Variants in CRB2 observed in about 807,000 individuals in gnomAD.
CRB2 encodes crumbs cell polarity complex component 2.
Under a neutral mutation model 110.9 loss-of-function variants are expected in CRB2, and 85 were observed. The observed-to-expected ratio is 0.77, with a 90% CI of 0.64 to 0.92. The LOEUF is 0.92. Among genes scored for constraint, CRB2 ranks in the 40% least tolerant of loss-of-function variants. The pLI is 0.00. For synonymous variants in CRB2, 907 were observed against 831.0 expected, an observed-to-expected ratio of 1.09 and a Z score of -1.57; for missense variants, 1,843 against 1,851.3, an observed-to-expected ratio of 1.00 and a Z score of 0.08.
At position 123,374,755 on chromosome 9, in the gene CRB2, C is replaced by T. The variant is rs1485120686; in HGVS notation, c.3506+60C>T. ...CAATGAATGTGGAGGGCTGTTCCTC[C>T]AGCCAGGGTGGGGCGGGGGTCCTCG... On this transcript the variant is annotated intron_variant, in intron 11 of 12. Transcript: ENST00000373631. 14 of 1,268,452 alleles carry T rather than the reference C, an allele frequency of 1.1e-5. No individual in the cohort carries two copies. In the Admixed American group the frequency reaches 1.4e-4, roughly 13 times the overall value. The allele number at this position is 1,268,452 out of a possible 1,614,324, so 78.6% of individuals were successfully genotyped here.
In CRB2 at chr9:123,371,288, G is replaced by C; in HGVS notation, c.2146G>C (p.Val716Leu). 2.5e-6 allele frequency: 4 copies of C among 1,613,688 alleles called. No homozygotes were observed. The highest frequency in any genetic ancestry group is 3.4e-6 in the Non-Finnish European group (4 of 1,179,878). ...TGAGGTGCCGGGCAGTCCTGCTGTAGTGCTCCCTGGGCGCTGGGATGATGG... is the reference window on the plus strand; with the variant it reads ...TGAGGTGCCGGGCAGTCCTGCTGTACTGCTCCCTGGGCGCTGGGATGATGG... Reference protein sequence around the residue: ...RAEVPGSPAVVLPGRWDDGLR... With the variant: ...RAEVPGSPAVLLPGRWDDGLR... Residue 716 changes from valine (V) to leucine (L), a missense_variant, in exon 8 of 13, where the codon GTG becomes CTG. Physicochemically the swap from Val to Leu is conservative, Grantham distance 32. Coordinates refer to ENST00000373631, the MANE Select transcript of CRB2 (RefSeq NM_173689.7).
At chr9:123,366,444 T>G in intron 4 of CRB2, 78 bp downstream of exon 4, 1 of 1,453,198 alleles carries the variant, frequency 6.9e-7, no homozygotes, top group South Asian at 1.4e-5. Flanking sequence ...GTGGGGCAGG[T>G]GTGTGGCTGC....
chr9:123,372,803 G>A (rs776767081), intron 9 of CRB2, among the ~76,000 whole-genome samples: 1 of 152,190 alleles, frequency 6.6e-6, no homozygotes, highest in Non-Finnish European at 1.5e-5. Flanking sequence ...GGCAAGCCTC[G>A]GCCATGAGGT....
rs920598810 is a variant in CRB2 at position 123,377,179 on chromosome 9, A to AGCCTCTGCCTCT, written c.*127_*138dup. ...CTACGGAAGTGTCCCCTTGGCTGGC[A>AGCCTCTGCCTCT]GCCTCTGCCTCTGCCTCTGCCCCAT... On this transcript the variant is annotated 3_prime_UTR_variant, in exon 13 of 13. Transcript: ENST00000373631. 4.1e-6 allele frequency: 4 copies of AGCCTCTGCCTCT among 979,006 alleles called. No individual in the cohort carries two copies. The East Asian group carries it at 1.1e-4, about 26-fold the overall frequency. The allele number at this position is 979,006 out of a possible 1,614,324, so 60.6% of individuals were successfully genotyped here.
At position 123,373,533 on chromosome 9, in the gene CRB2, C is replaced by T; in HGVS notation, c.3002C>T (p.Ala1001Val). The change falls in exon 10 of 13, where the codon GCT becomes GTT. Residue 1001 changes from alanine (A) to valine (V), a missense_variant. Ala to Val is a moderately conservative substitution (Grantham distance 64). Coordinates refer to ENST00000373631, the MANE Select transcript of CRB2 (RefSeq NM_173689.7). ...CTGGGCTTCCTGCAGGGCCCGGGTG[C>T]TGTGCGCATCCTGCTGGCTGAGAAC... Reference protein sequence around the residue: ...SDLGFLQGPGAVRILLAENFT... With the variant: ...SDLGFLQGPGVVRILLAENFT... 1 of 1,487,276 alleles carries T rather than the reference C, an allele frequency of 6.7e-7. No homozygotes were observed. The highest frequency in any genetic ancestry group is 8.9e-7 in the Non-Finnish European group (1 of 1,124,646). 92.1% of individuals were successfully genotyped at this position (1,487,276 alleles called of 1,614,324 possible).
rs767283156 is a variant in CRB2, at chr9:123,370,246, C to T, written c.1193C>T (p.Thr398Ile). Residue 398 changes from threonine (T) to isoleucine (I), a missense_variant, in exon 7 of 13, where the codon ACT becomes ATT. Thr to Ile is a moderately conservative substitution (Grantham distance 89, BLOSUM62 -1). Coordinates refer to ENST00000373631, the MANE Select transcript of CRB2 (RefSeq NM_173689.7). The part of the protein sequence containing the change: ...WGGRDCSVQL[T>I]GCQGHTCPLA... The stretch of plus-strand genomic sequence containing the variant: ...GGGCGCGACTGTTCTGTGCAGCTCA[C>T]TGGCTGCCAGGGCCACACCTGCCCG... 4 of 1,613,330 alleles carry T rather than the reference C, an allele frequency of 2.5e-6. No homozygotes were observed. The Admixed American group carries it at 6.7e-5, about 27-fold the overall frequency.
In CRB2 at chr9:123,367,184, A is replaced by G. The variant is rs2041945247; in HGVS notation, c.767A>G (p.Glu256Gly). ...RCLCWPGYSG[E>G]LCEVDEDECA... Reference sequence around the variant, plus strand: ...TGTGTGCCCCCAGGCTACAGCGGCGAGCTGTGCGAGGTGGACGAGGACGAG... The same window carrying G: ...TGTGTGCCCCCAGGCTACAGCGGCGGGCTGTGCGAGGTGGACGAGGACGAG... Residue 256 changes from glutamate to glycine, a missense_variant, in exon 5 of 13, where the codon GAG (glutamate) becomes GGG (glycine). Physicochemically the swap from Glu to Gly is moderately conservative, Grantham distance 98. Transcript: ENST00000373631. 6.3e-7 allele frequency: 1 copy of G among 1,592,126 alleles called. No individual in the cohort carries two copies. The highest frequency in any genetic ancestry group is 1.8e-5 in the Admixed American group (1 of 56,164).
chr9:123,360,470 G>A (rs975123385), intron 1 of CRB2, among the ~76,000 whole-genome samples: 4 of 152,052 alleles, frequency 2.6e-5, no homozygotes, highest in Middle Eastern at 3.4e-3. Flanking sequence ...GCCCCTCCTT[G>A]CCTCTCCTGT....
At chr9:123,367,436 C>CCCCCCCCCCCCCCCCCCCCCCCCACCCCA in intron 5 of CRB2, 79 bp downstream of exon 5, 1 of 1,105,198 alleles carries the variant, frequency 9.0e-7, no homozygotes, top group Non-Finnish European at 1.2e-6. Context: ...CCCACCCCCC[C>CCCCCCCCCCCCCCCCCCCCCCCCACCCCA]CACCCCCCCA....
At chr9:123,368,066 G>C (rs571956772) in intron 6 of CRB2, among the ~76,000 whole-genome samples, 1 of 152,092 alleles carries the variant, frequency 6.6e-6, no homozygotes, top group African/African-American at 2.4e-5. Context: ...CTGTCAGGCA[G>C]GAGTTGGGGG....
intron 4 of CRB2, among the ~76,000 whole-genome samples, chr9:123,366,903 C>A (rs1384507345): frequency 2.0e-5 from 3 of 150,612 alleles, no homozygotes; most frequent in Admixed American, 1.3e-4. Context: ...AGAGATCATG[C>A]CGCTGCACTC....
In CRB2 at chr9:123,371,744, T is replaced by A. The variant is rs568741966; in HGVS notation, c.2436+166T>A. The stretch of plus-strand genomic sequence containing the variant: ...ACTACAGGAGGGTGGCAGGGCAGAT[T>A]TACATCTGTCTCTTCAGCCCAGCTG... On this transcript the variant is annotated intron_variant, in intron 8 of 12. Transcript: ENST00000373631. Among the ~76,000 whole-genome samples, 4 of 152,120 alleles carry A rather than the reference T, an allele frequency of 2.6e-5. No homozygotes were observed. The East Asian group carries it at 7.7e-4, about 29-fold the overall frequency.
rs1311952543 is a variant in CRB2 at position 123,370,477 on chromosome 9, C to CAAT, written c.1424_1425insAAT (p.Ala475_Thr476insIle). ...ACCACACTGCCCGCTGGGACCTTGGCCACTCGCAATGACACCAAGGAAAGC... is the reference window on the plus strand; with the variant it reads ...ACCACACTGCCCGCTGGGACCTTGGCAATCACTCGCAATGACACCAAGGAAAGC... On this transcript the variant is annotated inframe_insertion, in exon 7 of 13. Coordinates refer to ENST00000373631, the MANE Select transcript of CRB2 (RefSeq NM_173689.7). 2.5e-6 allele frequency: 4 copies of CAAT among 1,613,370 alleles called. No homozygotes were observed. Among genetic ancestry groups the CAAT allele is most frequent in the Non-Finnish European group, 3.4e-6 (4 of 1,180,044 alleles).
At position 123,371,272 on chromosome 9, in the gene CRB2, G is replaced by C; in HGVS notation, c.2130G>C (p.Pro710=). 6.2e-7 allele frequency: 1 copy of C among 1,613,808 alleles called. No homozygotes were observed. Among genetic ancestry groups the C allele is most frequent in the East Asian group, 2.2e-5 (1 of 44,882 alleles). Reference sequence around the variant, plus strand: ...AGGGTCGGATCCGGGCTGAGGTGCCGGGCAGTCCTGCTGTAGTGCTCCCTG... The same window carrying C: ...AGGGTCGGATCCGGGCTGAGGTGCCCGGCAGTCCTGCTGTAGTGCTCCCTG... The part of the protein sequence containing the change: ...LSEGRIRAEV[P]GSPAVVLPGR... Residue 710 remains proline (P), a synonymous_variant, in exon 8 of 13, where the codon CCG becomes CCC. Transcript: ENST00000373631.
rs765676223 is a variant in CRB2, at chr9:123,371,542, C to T, written c.2400C>T (p.Asn800=). Reference sequence around the variant, plus strand: ...AGCTCGGCGGCAGGCAGTCCTGGAACCTCACTGCGGGCTGCGTCTCCGAGG... The same window carrying T: ...AGCTCGGCGGCAGGCAGTCCTGGAATCTCACTGCGGGCTGCGTCTCCGAGG... ...PSELGGRQSW[N]LTAGCVSEDM... Residue 800 remains asparagine, a synonymous_variant, in exon 8 of 13, where the codon AAC becomes AAT. Coordinates refer to ENST00000373631, the MANE Select transcript of CRB2 (RefSeq NM_173689.7). 8 of 1,613,014 alleles carry T rather than the reference C, an allele frequency of 5.0e-6. No individual in the cohort carries two copies. The highest frequency in any genetic ancestry group is 1.6e-4 in the Middle Eastern group (1 of 6,084).
In CRB2 at chr9:123,373,704, C is replaced by A; in HGVS notation, c.3173C>A (p.Pro1058His). ...CCGATCCTCGGCTGCCGCGGCGCGC[C>A]CGTGTGTGCGCCCTCGCCCTGTCTG... ...PAPILGCRGA[P>H]VCAPSPCLHD... Residue 1058 changes from proline (P) to histidine (H), a missense_variant, in exon 10 of 13, where the codon CCC becomes CAC. Pro to His is a moderately conservative substitution (Grantham distance 77, BLOSUM62 -2). Transcript: ENST00000373631. The A allele has an allele frequency of 6.6e-7, 1 of 1,507,658 alleles. No individual in the cohort carries two copies. Among genetic ancestry groups the A allele is most frequent in the Non-Finnish European group, 8.8e-7 (1 of 1,140,016 alleles). 93.4% of individuals were successfully genotyped at this position (1,507,658 alleles called of 1,614,324 possible).
intron 12 of CRB2, among the ~76,000 whole-genome samples, chr9:123,375,693 C>A (rs936347777): frequency 3.9e-5 from 6 of 152,188 alleles, no homozygotes; most frequent in Non-Finnish European, 7.3e-5. Flanking sequence ...GTTGGTGAAT[C>A]CAGGAGACTC....
At chr9:123,369,050 TG>T in intron 6 of CRB2, 1 of 850,736 alleles carries the variant, frequency 1.2e-6, no homozygotes, top group Non-Finnish European at 1.5e-6. Context: ...CTTCAAACCC[TG>T]GTGACTTCTC....
At chr9:123,361,968 C>T (rs1393641170) in intron 1 of CRB2, among the ~76,000 whole-genome samples, 1 of 152,166 alleles carries the variant, frequency 6.6e-6, no homozygotes, top group African/African-American at 2.4e-5. Flanking sequence ...CGGTTGGTGA[C>T]CCTCTGTTAG....
Sources: gnomAD v4.1 joint callset for allele counts (sites outside exome capture counted in the v4.1 genomes callset) on GRCh38, gnomAD v4.1.1 for gene constraint, MANE v1.5 for transcripts, NCBI Gene and HGNC (gene_info 2026-07-23, HGNC 2026-07-21) for gene names.